CNIH3: variants seen among roughly 807,000 people sequenced by gnomAD.
CNIH3 encodes cornichon family AMPA receptor auxiliary protein 3.
A neutral mutation model predicts 24.1 loss-of-function variants in CNIH3; 14 were observed. The ratio of observed to expected loss-of-function variants is 0.58; its 90% CI spans 0.38 to 0.91. The LOEUF is 0.91. Ranked by LOEUF, CNIH3 falls within the 40% of genes least tolerant of loss-of-function variation. The pLI is 0.00. For missense variants in CNIH3, 178 were observed against 196.8 expected (o/e 0.90, Z 0.57); for synonymous variants, 68 against 73.8 (o/e 0.92, Z 0.40).
intron 1 of CNIH3, among the ~76,000 whole-genome samples, chr1:224,454,963 A>T (rs980313393): frequency 6.6e-6 from 1 of 152,144 alleles, no homozygotes; most frequent in African/African-American, 2.4e-5. Context: ...ATGCTCCTTG[A>T]CTTTCAGTAG....
intron 3 of CNIH3, among the ~76,000 whole-genome samples, chr1:224,593,628 C>T (rs1323153667): frequency 6.6e-6 from 1 of 152,038 alleles, no homozygotes; most frequent in East Asian, 1.9e-4. Context: ...GATCACTGTA[C>T]ATTATATGTA....
intron 1 of CNIH3, among the ~76,000 whole-genome samples, chr1:224,664,219 G>T (rs1490062017): frequency 6.6e-6 from 1 of 152,158 alleles, no homozygotes; most frequent in Non-Finnish European, 1.5e-5. Context: ...CACTGGATGT[G>T]GTGGTCTAGT....
chr1:224,555,239 T>G (rs1014176335), intron 3 of CNIH3, among the ~76,000 whole-genome samples: 3 of 152,188 alleles, frequency 2.0e-5, no homozygotes, highest in African/African-American at 7.2e-5. Context: ...GGGATTTGAT[T>G]TGGGGCAGTC....
intron 3 of CNIH3, among the ~76,000 whole-genome samples, chr1:224,689,185 A>C (rs188245401): frequency 6.6e-6 from 1 of 152,240 alleles, no homozygotes; most frequent in Non-Finnish European, 1.5e-5. Flanking sequence ...TGCCCTTATT[A>C]TCCATGTAAC....
intron 3 of CNIH3, among the ~76,000 whole-genome samples, chr1:224,594,955 T>A (rs572357527): frequency 5.9e-5 from 9 of 152,266 alleles, no homozygotes; most frequent in Non-Finnish European, 1.2e-4. Context: ...TTGTATTTTT[T>A]ACAAATTGAA....
chr1:224,665,811 TACAGGTTAGAGTCG>T (rs914170783), intron 1 of CNIH3, among the ~76,000 whole-genome samples: 7 of 136,450 alleles, frequency 5.1e-5, no homozygotes, highest in African/African-American at 1.9e-4. Flanking sequence ...GAATGATATC[TACAGGTTAGAGTCG>T]ATAGGTTTAG....
intron 1 of CNIH3, among the ~76,000 whole-genome samples, chr1:224,672,946 G>A (rs1685941573): frequency 6.6e-6 from 1 of 152,200 alleles, no homozygotes; most frequent in Admixed American, 6.5e-5. Flanking sequence ...GCTTTTCCCA[G>A]TGCCCAAATG....
intron 3 of CNIH3, among the ~76,000 whole-genome samples, chr1:224,688,984 A>G (rs771423092): frequency 7.2e-5 from 11 of 151,880 alleles, no homozygotes; most frequent in Non-Finnish European, 1.3e-4. Flanking sequence ...TATTGTATTC[A>G]TTATTGACAC....
At chr1:224,521,247 A>C (rs776304563) in exon 2 of CNIH3, 1 of 152,152 alleles carries the variant, frequency 6.6e-6, no homozygotes, top group Non-Finnish European at 1.5e-5. Context: ...TCCTTGGTTT[A>C]GACTGGTTAT....
intron 2 of CNIH3, among the ~76,000 whole-genome samples, chr1:224,533,346 G>A: frequency 6.8e-6 from 1 of 147,388 alleles, no homozygotes; most frequent in East Asian, 2.0e-4. Context: ...GAGCCTAGGA[G>A]TTCAAGATTA....
chr1:224,639,463 G>C (rs1361362316), intron 1 of CNIH3, among the ~76,000 whole-genome samples: 1 of 152,220 alleles, frequency 6.6e-6, no homozygotes, highest in Non-Finnish European at 1.5e-5. Flanking sequence ...CAAGTACCTA[G>C]CTAGCCTTGA....
chr1:224,652,557 A>C (rs943626259), intron 1 of CNIH3, among the ~76,000 whole-genome samples: 31 of 152,132 alleles, frequency 2.0e-4, no homozygotes, highest in African/African-American at 7.5e-4. Context: ...GCCCCTTAGG[A>C]GAGGGGTAGG....
At chr1:224,718,067 T>C (rs78197093) in intron 3 of CNIH3, among the ~76,000 whole-genome samples, 2 of 152,102 alleles carry the variant, frequency 1.3e-5, no homozygotes, top group African/African-American at 2.4e-5. Flanking sequence ...GGTAAAGTCA[T>C]GAAAAAGACA....
At chr1:224,446,913 T>C (rs1228435985) in intron 1 of CNIH3, among the ~76,000 whole-genome samples, 1 of 152,042 alleles carries the variant, frequency 6.6e-6, no homozygotes, top group Non-Finnish European at 1.5e-5. Flanking sequence ...GGAGGGTAGA[T>C]GGTGTCGGTC....
intron 1 of CNIH3, among the ~76,000 whole-genome samples, chr1:224,493,269 G>A (rs1677304672): frequency 6.6e-6 from 1 of 152,158 alleles, no homozygotes; most frequent in South Asian, 2.1e-4. Context: ...TATATATGCG[G>A]AAATTTTAAA....
intron 1 of CNIH3, among the ~76,000 whole-genome samples, chr1:224,642,932 C>T (rs926531412): frequency 9.2e-5 from 14 of 152,094 alleles, no homozygotes; most frequent in African/African-American, 1.9e-4. Context: ...GTAAACTCTC[C>T]GGAGAGAGCT....
intron 1 of CNIH3, among the ~76,000 whole-genome samples, chr1:224,617,512 C>T (rs998104290): frequency 3.3e-5 from 5 of 152,200 alleles, no homozygotes; most frequent in Non-Finnish European, 5.9e-5. Flanking sequence ...GGGTCCCGGG[C>T]GCCGGGGAGT....
intron 1 of CNIH3, among the ~76,000 whole-genome samples, chr1:224,477,918 A>AT (rs993757982): frequency 1.8e-4 from 28 of 151,420 alleles, no homozygotes; most frequent in African/African-American, 3.9e-4. Context: ...TGTTTGAAGG[A>AT]TTTTTTTTTC....
chr1:224,651,552 C>T lies in CNIH3; in HGVS notation c.82-29406C>T, dbSNP rs376476444. On this transcript the variant is annotated intron_variant, in intron 1 of 5. Transcript: ENST00000272133. The stretch of plus-strand genomic sequence containing the variant: ...TATCCTTCATTTGTTTCTTCGTGTT[C>T]GTGTCATCTTACATAAACACTAATG... Among the ~76,000 whole-genome samples, 7 of 152,164 alleles carry T rather than the reference C, an allele frequency of 4.6e-5. No homozygotes were observed. In the South Asian group the frequency reaches 6.2e-4, roughly 14 times the overall value.
Sources: gnomAD v4.1 joint callset for allele counts (sites outside exome capture counted in the v4.1 genomes callset) on GRCh38, gnomAD v4.1.1 for gene constraint, MANE v1.5 for transcripts, NCBI Gene and HGNC (gene_info 2026-07-23, HGNC 2026-07-21) for gene names.